The following ADCY8 variants were observed in gnomAD, a reference collection of about 807,000 sequenced individuals.
ADCY8 encodes the protein adenylate cyclase type 8.
A neutral mutation model predicts 119.7 loss-of-function variants in ADCY8; 51 were observed. The ratio of observed to expected loss-of-function variants is 0.43; its 90% CI spans 0.34 to 0.54. ADCY8 has a LOEUF of 0.54. Among genes scored for constraint, ADCY8 ranks in the 20% least tolerant of loss-of-function variants. The pLI is 0.03. For missense variants in ADCY8, 1,383 were observed against 1,598.8 expected (o/e 0.87, Z 2.30); for synonymous variants, 665 against 651.0 (o/e 1.02, Z -0.33).
At chr8:130,983,203 A>G (rs980767930) in intron 2 of ADCY8, among the ~76,000 whole-genome samples, 1 of 152,164 alleles carries the variant, frequency 6.6e-6, no homozygotes, top group Non-Finnish European at 1.5e-5. Flanking sequence ...AGCTACAAAC[A>G]CCCATGGAAT....
chr8:131,021,866 G>C (rs1340616322), intron 1 of ADCY8, among the ~76,000 whole-genome samples: 1 of 152,154 alleles, frequency 6.6e-6, no homozygotes, highest in Admixed American at 6.6e-5. Context: ...TGTCCTTATA[G>C]CTGTGTGAGA....
At chr8:130,936,073 ATGTGTGTG>A (rs35028784) in intron 5 of ADCY8, among the ~76,000 whole-genome samples, 1,796 of 147,156 alleles carry the variant, frequency 0.012, 24 homozygotes, top group East Asian at 0.044. Flanking sequence ...AAGCACTGAC[ATGTGTGTG>A]TGTGTGTGTG....
chr8:130,923,461 G>A (rs1040772589), intron 5 of ADCY8, among the ~76,000 whole-genome samples: 1 of 152,210 alleles, frequency 6.6e-6, no homozygotes, highest in Admixed American at 6.5e-5. Context: ...CTGATTAACT[G>A]TTGGGGACAA....
At chr8:131,022,056 G>C (rs371009345) in intron 1 of ADCY8, among the ~76,000 whole-genome samples, 352 of 152,216 alleles carry the variant, frequency 2.3e-3, no homozygotes, top group Non-Finnish European at 4.1e-3. Context: ...TAAATGCTTG[G>C]TCTGCGTATT....
chr8:131,031,134 T>C (rs1034779021), intron 1 of ADCY8, among the ~76,000 whole-genome samples: 2 of 152,150 alleles, frequency 1.3e-5, no homozygotes, highest in African/African-American at 4.8e-5. Context: ...TATATATCTA[T>C]AGGAATAGAT....
chr8:130,904,502 A>G (rs183458039), intron 6 of ADCY8, among the ~76,000 whole-genome samples: 2 of 152,300 alleles, frequency 1.3e-5, no homozygotes, highest in African/African-American at 4.8e-5. Flanking sequence ...TATCATTTCA[A>G]TCTTCATGTA....
intron 11 of ADCY8, among the ~76,000 whole-genome samples, chr8:130,843,107 G>T (rs1419194803): frequency 6.6e-6 from 1 of 151,956 alleles, no homozygotes; most frequent in Non-Finnish European, 1.5e-5. Flanking sequence ...ATTTTAAAAG[G>T]TTTGATCTCT....
At chr8:130,865,641 G>A (rs1348496788) in intron 9 of ADCY8, among the ~76,000 whole-genome samples, 2 of 152,052 alleles carry the variant, frequency 1.3e-5, no homozygotes, top group Admixed American at 6.6e-5. Flanking sequence ...AAAGAGCATG[G>A]TTCAGAGTTC....
chr8:130,900,690 T>C (rs1280526220), intron 7 of ADCY8, among the ~76,000 whole-genome samples: 1 of 152,212 alleles, frequency 6.6e-6, no homozygotes. Flanking sequence ...GGAATACGAA[T>C]CTTTCACCTT....
chr8:130,812,051 A>G (rs263255), intron 14 of ADCY8, among the ~76,000 whole-genome samples: 78,834 of 151,948 alleles, frequency 0.52, 21,256 homozygotes, highest in East Asian at 0.65. Context: ...TTGATTCTAT[A>G]TCCTAAAGGT....
intron 7 of ADCY8, among the ~76,000 whole-genome samples, chr8:130,901,242 C>CTTTTTTTTTTTTTTTTTTTTTTTTTTTTT: frequency 8.7e-6 from 1 of 115,582 alleles, no homozygotes; most frequent in Non-Finnish European, 1.7e-5. Context: ...CATCCCTCCT[C>CTTTTTTTTTTTTTTTTTTTTTTTTTTTTT]TTTTTTTTTT....
chr8:130,980,239 T>A (rs190108017), intron 2 of ADCY8, among the ~76,000 whole-genome samples: 2 of 152,232 alleles, frequency 1.3e-5, no homozygotes, highest in Non-Finnish European at 2.9e-5. Flanking sequence ...CCTAATCAAG[T>A]GTGATTGCAT....
rs1236345186 is a variant in ADCY8, at chr8:130,780,465, C to T, written c.3681G>A (p.Arg1227=). ...NTGIIKGHYN[R]RTLLSPSGTE... ...TGCCGCTGGGTGACAACAAAGTCCGCCGGTTGTAATGACCCTTGATGATTC... is the reference window on the plus strand; with the variant it reads ...TGCCGCTGGGTGACAACAAAGTCCGTCGGTTGTAATGACCCTTGATGATTC... Residue 1227 remains arginine (R), a synonymous_variant, in exon 18 of 18, where the codon CGG becomes CGA. Coordinates refer to ENST00000286355, the MANE Select transcript of ADCY8 (RefSeq NM_001115.3). 6.2e-7 allele frequency: 1 copy of T among 1,613,804 alleles called. No homozygotes were observed. Among genetic ancestry groups the T allele is most frequent in the South Asian group, 1.1e-5 (1 of 91,060 alleles).
At chr8:130,796,597 CCAAAACAAAA>C (rs202026312) in intron 15 of ADCY8, among the ~76,000 whole-genome samples, 1 of 151,934 alleles carries the variant, frequency 6.6e-6, no homozygotes, top group South Asian at 2.1e-4. Context: ...CCTCTCTTGA[CCAAAACAAAA>C]CAAAACAAAA....
In ADCY8 at chr8:131,040,137, C is replaced by T; in HGVS notation, c.197G>A (p.Gly66Asp). 2 of 1,532,012 alleles carry T rather than the reference C, an allele frequency of 1.3e-6. No individual in the cohort carries two copies. The highest frequency in any genetic ancestry group is 1.4e-5 in the African/African-American group (1 of 73,002). 94.9% of individuals were successfully genotyped at this position (1,532,012 alleles called of 1,614,324 possible). A position where few individuals can be genotyped will look rare whatever the true frequency, so the allele number is the denominator to read the frequency against. The change falls in exon 1 of 18, where the codon GGC becomes GAC. Residue 66 changes from glycine to aspartate, a missense_variant. Around this residue, in one of 2 missense-constraint regions of ADCY8, gnomAD observed 455 missense variants for 435.3 expected, o/e 1.05. Transcript: ENST00000286355. Reference protein sequence around the residue: ...GGSGSGSGGSGKASDPAGGGP... With the variant: ...GGSGSGSGGSDKASDPAGGGP... ...GCCGCCCGCAGGGTCCGAGGCTTTGCCCGAGCCTCCACTCCCGCTGCCGCT... is the reference window on the plus strand; with the variant it reads ...GCCGCCCGCAGGGTCCGAGGCTTTGTCCGAGCCTCCACTCCCGCTGCCGCT...
At chr8:131,029,014 G>T (rs1234542142) in intron 1 of ADCY8, among the ~76,000 whole-genome samples, 5 of 152,190 alleles carry the variant, frequency 3.3e-5, no homozygotes, top group Non-Finnish European at 5.9e-5. Flanking sequence ...GTGAGAGGCA[G>T]GGCAAATGAG....
intron 5 of ADCY8, among the ~76,000 whole-genome samples, chr8:130,929,577 T>G (rs1411542631): frequency 1.3e-5 from 2 of 152,192 alleles, no homozygotes; most frequent in Non-Finnish European, 2.9e-5. Flanking sequence ...CGAGAATCTT[T>G]CATGTGAAAT....
chr8:130,893,374 G>T (rs1471915334), intron 7 of ADCY8, among the ~76,000 whole-genome samples: 1 of 152,146 alleles, frequency 6.6e-6, no homozygotes, highest in East Asian at 1.9e-4. Flanking sequence ...TCACAAGTAG[G>T]GGAGAGAGAA....
At chr8:130,824,363 C>A (rs185059908) in intron 12 of ADCY8, among the ~76,000 whole-genome samples, 2 of 152,000 alleles carry the variant, frequency 1.3e-5, no homozygotes, top group Non-Finnish European at 2.9e-5. Flanking sequence ...AAAAAAAATC[C>A]AAGACTGAGT....
Sources: allele counts gnomAD v4.1 joint callset (sites outside exome capture counted in the v4.1 genomes callset), GRCh38; gene constraint gnomAD v4.1.1; regional missense constraint gnomAD v4.1.1; transcripts MANE v1.5; gene names NCBI Gene and HGNC (gene_info 2026-07-23, HGNC 2026-07-21).